The following SLC36A1 variants were observed in gnomAD, a reference collection of about 807,000 sequenced individuals.
SLC36A1 encodes proton-coupled amino acid transporter 1.
SLC36A1 carries 30 observed loss-of-function variants against 47.5 expected under a neutral mutation model. The observed-to-expected ratio is 0.63, with a 90% CI of 0.47 to 0.86. SLC36A1 has a LOEUF of 0.86. SLC36A1 is among the 40% of genes least tolerant of loss of function. The pLI, the probability that SLC36A1 is intolerant of heterozygous loss-of-function variation, is 0.00. For synonymous variants in SLC36A1, 255 were observed against 249.7 expected, an observed-to-expected ratio of 1.02 and a Z score of -0.20; for missense variants, 517 against 606.0, an observed-to-expected ratio of 0.85 and a Z score of 1.54.
intron 10 of SLC36A1, among the ~76,000 whole-genome samples, chr5:151,487,312 A>G (rs543754982): frequency 2.6e-5 from 4 of 152,332 alleles, no homozygotes; most frequent in Admixed American, 1.3e-4. Flanking sequence ...CTCCTGCGGC[A>G]GTGCACCATT....
chr5:151,393,160 C>T, the SLC36A1 span, among the ~76,000 whole-genome samples: 2 of 151,600 alleles, frequency 1.3e-5, no homozygotes, highest in Admixed American at 1.3e-4. Flanking sequence ...TATGTAATGG[C>T]CTTCTTTGTC....
the SLC36A1 span, chr5:151,550,537 C>A: frequency 1.9e-6 from 3 of 1,580,976 alleles, no homozygotes; most frequent in Admixed American, 3.4e-5. Context: ...GCATGTCCAC[C>A]CCTACACATC....
chr5:151,418,023 A>G, the SLC36A1 span, among the ~76,000 whole-genome samples: 1 of 152,262 alleles, frequency 6.6e-6, no homozygotes, highest in Non-Finnish European at 1.5e-5. Context: ...AGCTCAGGTC[A>G]TTGCTTAAGA....
the SLC36A1 span, among the ~76,000 whole-genome samples, chr5:151,415,536 T>A: frequency 6.6e-6 from 1 of 152,182 alleles, no homozygotes; most frequent in Non-Finnish European, 1.5e-5. Context: ...CTTCACCTCC[T>A]CAGAGAAGTT....
chr5:151,464,607 G>C lies in SLC36A1; in HGVS notation c.323+5G>C, dbSNP rs748511907. 6.2e-7 allele frequency: 1 copy of C among 1,613,118 alleles called. No individual in the cohort carries two copies. Among genetic ancestry groups the C allele is most frequent in the Non-Finnish European group, 8.5e-7 (1 of 1,179,192 alleles). ...TGCTCACCACTTCTGCCGCAGGTGA[G>C]AGCCCTCTGAGCCACCTCTCAAGTG... On this transcript the variant is annotated splice_donor_5th_base_variant and intron_variant, in intron 4 of 10. Transcript: ENST00000243389.
intron 1 of SLC36A1, among the ~76,000 whole-genome samples, chr5:151,454,509 G>A (rs913982463): frequency 3.9e-5 from 6 of 152,042 alleles, no homozygotes; most frequent in Non-Finnish European, 7.4e-5. Flanking sequence ...CTCTGAGAAA[G>A]GGCTTTTGCT....
chr5:151,501,144 A>C, the SLC36A1 span, among the ~76,000 whole-genome samples: 5 of 152,194 alleles, frequency 3.3e-5, no homozygotes, highest in East Asian at 9.6e-4. Context: ...TTAGCATGTG[A>C]AACATCAGGA....
At chr5:151,422,467 G>A in the SLC36A1 span, among the ~76,000 whole-genome samples, 1 of 152,192 alleles carries the variant, frequency 6.6e-6, no homozygotes, top group Non-Finnish European at 1.5e-5. Context: ...TGCAATCCCA[G>A]CACTTTGGGA....
chr5:151,534,970 A>ATATATATAT, the SLC36A1 span, among the ~76,000 whole-genome samples: 34 of 106,408 alleles, frequency 3.2e-4, 1 homozygote, highest in South Asian at 4.2e-3. Context: ...CTTCTAGGAA[A>ATATATATAT]ATATATATAT....
the SLC36A1 span, among the ~76,000 whole-genome samples, chr5:151,346,073 G>A: frequency 4.6e-5 from 7 of 152,158 alleles, no homozygotes; most frequent in Admixed American, 6.5e-5. Flanking sequence ...CCCAAGCCAC[G>A]TGTCTCCCTT....
At chr5:151,430,272 C>A in the SLC36A1 span, among the ~76,000 whole-genome samples, 1 of 150,650 alleles carries the variant, frequency 6.6e-6, no homozygotes, top group South Asian at 2.1e-4. Flanking sequence ...TCAAACAATT[C>A]TCCTGCCTCA....
the SLC36A1 span, chr5:151,554,596 G>A: frequency 4.3e-6 from 7 of 1,614,188 alleles, no homozygotes; most frequent in Non-Finnish European, 5.9e-6. Context: ...TAGGTGGATT[G>A]TCATTGACGT....
chr5:151,419,498 T>C, the SLC36A1 span, among the ~76,000 whole-genome samples: 1 of 152,236 alleles, frequency 6.6e-6, no homozygotes, highest in African/African-American at 2.4e-5. Context: ...GAAATAGCAA[T>C]TTCTGATATA....
the SLC36A1 span, among the ~76,000 whole-genome samples, chr5:151,421,627 C>T: frequency 6.7e-6 from 1 of 148,470 alleles, no homozygotes; most frequent in South Asian, 2.2e-4. Flanking sequence ...CTCACTCTGT[C>T]ACCCAGGCTC....
At chr5:151,396,135 CTAT>C in the SLC36A1 span, among the ~76,000 whole-genome samples, 13 of 149,542 alleles carry the variant, frequency 8.7e-5, no homozygotes, top group Non-Finnish European at 1.3e-4. Flanking sequence ...CTTCTTCTTA[CTAT>C]TATTATTATT....
chr5:151,463,732 T>A (rs1755928289), intron 3 of SLC36A1, 89 bp downstream of exon 3: 2 of 990,720 alleles, frequency 2.0e-6, no homozygotes, highest in Non-Finnish European at 3.2e-6. Flanking sequence ...TTTAAAACAT[T>A]TTAAATAGAG....
downstream of SLC36A1, among the ~76,000 whole-genome samples, chr5:151,496,276 C>A (rs1484122379): frequency 1.3e-5 from 2 of 152,180 alleles, no homozygotes. Context: ...CTCCTCCTTG[C>A]CTTCCGCCGC....
intron 2 of SLC36A1, among the ~76,000 whole-genome samples, chr5:151,461,916 C>G (rs895255092): frequency 1.3e-5 from 2 of 150,026 alleles, no homozygotes; most frequent in East Asian, 3.9e-4. Flanking sequence ...TGTCTTAAGG[C>G]AAAGACCTCG....
intron 9 of SLC36A1, chr5:151,477,063 G>A (rs1276687237): frequency 7.0e-6 from 3 of 430,602 alleles, no homozygotes; most frequent in Non-Finnish European, 1.3e-5. Flanking sequence ...CAAATAGACA[G>A]GGAGATGGGA....
Sources: allele counts gnomAD v4.1 joint callset (sites outside exome capture counted in the v4.1 genomes callset), GRCh38; gene constraint gnomAD v4.1.1; transcripts MANE v1.5; gene names NCBI Gene and HGNC (gene_info 2026-07-23, HGNC 2026-07-21).